The following CEP192 variants were observed in gnomAD, a reference collection of about 807,000 sequenced individuals.
The protein encoded by CEP192 is centrosomal protein 192, also known as centrosomal protein of 192 kDa.
Under a neutral mutation model 271.8 loss-of-function variants are expected in CEP192, and 151 were observed. The observed-to-expected ratio is 0.56, with a 90% confidence interval of 0.49 to 0.64. The LOEUF is 0.64. CEP192 is among the 30% of genes least tolerant of loss of function. The pLI is 0.00. For synonymous variants in CEP192, 995 were observed against 1,076.5 expected, an observed-to-expected ratio of 0.92 and a Z score of 1.48; for missense variants, 2,910 against 3,020.5, an observed-to-expected ratio of 0.96 and a Z score of 0.86.
In CEP192 at chr18:13,056,003, A is replaced by G; in HGVS notation, c.3413A>G (p.Lys1138Arg). 6.2e-7 allele frequency: 1 copy of G among 1,614,208 alleles called. No homozygotes were observed. The highest frequency in any genetic ancestry group is 1.1e-5 in the South Asian group (1 of 91,088). Residue 1138 changes from lysine to arginine, a missense_variant, in exon 19 of 45, where the codon AAA (lysine) becomes AGA (arginine). Lys to Arg is a conservative substitution (Grantham distance 26, BLOSUM62 2). Transcript: ENST00000506447. ...EYVKPDFRWSKDPSSKSGNLL... is the reference protein window; with the variant it reads ...EYVKPDFRWSRDPSSKSGNLL... ...GTAAAACCTGACTTTAGATGGAGTA[A>G]AGATCCTTCCTCCAAAAGTGGAAAT...
At chr18:13,005,689 A>G (rs1255111855) in intron 3 of CEP192, among the ~76,000 whole-genome samples, 1 of 152,202 alleles carries the variant, frequency 6.6e-6, no homozygotes, top group Non-Finnish European at 1.5e-5. Flanking sequence ...TGGTCTGAGT[A>G]TAGGGCTTCC....
chr18:13,086,994 T>C, intron 30 of CEP192, 23 bp from the exon 31 acceptor site: 2 of 1,533,550 alleles, frequency 1.3e-6, no homozygotes, highest in Non-Finnish European at 1.8e-6. Context: ...TAAAATAATT[T>C]TGGATATGTA....
rs765581263 is a variant in CEP192 at position 13,095,495 on chromosome 18, T to C, written c.6255-8T>C. 47 of 1,586,964 alleles carry C rather than the reference T, an allele frequency of 3.0e-5. No individual in the cohort carries two copies. Among genetic ancestry groups the C allele is most frequent in the Non-Finnish European group, 3.4e-5 (40 of 1,170,280 alleles). On this transcript the variant is annotated splice_region_variant and splice_polypyrimidine_tract_variant and intron_variant, in intron 34 of 44. Coordinates refer to ENST00000506447, the MANE Select transcript of CEP192 (RefSeq NM_032142.4). ...GTCTAACTTTTTCATTTTTAAATAA[T>C]TTTTTAGCGACTTGGGAGCTTCTGG... is the stretch of plus-strand genomic sequence containing the variant.
At chr18:13,038,619 A>T in intron 13 of CEP192, 40 bp downstream of exon 13, 1 of 1,432,572 alleles carries the variant, frequency 7.0e-7, no homozygotes, top group Non-Finnish European at 9.6e-7. Context: ...CAGTCACCAG[A>T]TTTTAGATTT....
At chr18:13,109,141 A>G (rs1369672035) in intron 40 of CEP192, among the ~76,000 whole-genome samples, 6 of 152,212 alleles carry the variant, frequency 3.9e-5, no homozygotes, top group Admixed American at 2.0e-4. Context: ...ACATGGATCA[A>G]TCCACCGTTG....
At chr18:13,069,652 A>G (rs1598504970) in intron 26 of CEP192, 86 bp from the exon 27 acceptor site, 1 of 750,508 alleles carries the variant, frequency 1.3e-6, no homozygotes, top group East Asian at 2.5e-5. Flanking sequence ...CTGGTAAATG[A>G]GAAACGCACG....
At position 13,073,186 on chromosome 18, in the gene CEP192, G is replaced by C. The variant is rs1449735832; in HGVS notation, c.5616+1G>C. On this transcript the variant is annotated splice_donor_variant, in intron 30 of 44. Transcript: ENST00000506447. LOFTEE classifies it high-confidence loss of function. ...ATCACAACCAGGCATTAAGTTCACA[G>C]TAAGATCATTTTATTGCCTTTCCCT... is the stretch of plus-strand genomic sequence containing the variant. 46 of 1,600,584 alleles carry C rather than the reference G, an allele frequency of 2.9e-5. No individual in the cohort carries two copies. Among genetic ancestry groups the C allele is most frequent in the Non-Finnish European group, 3.8e-5 (45 of 1,175,434 alleles).
chr18:13,098,851 C>T (rs375541566), intron 36 of CEP192, among the ~76,000 whole-genome samples: 12 of 152,242 alleles, frequency 7.9e-5, no homozygotes, highest in South Asian at 6.2e-4. Context: ...GAGGTTGTAG[C>T]GAGCCGAAAT....
intron 1 of CEP192, among the ~76,000 whole-genome samples, chr18:12,993,235 A>G (rs2032987941): frequency 6.6e-6 from 1 of 152,188 alleles, no homozygotes; most frequent in Non-Finnish European, 1.5e-5. Flanking sequence ...ATTTGGGTGA[A>G]GACTAAAGAT....
At chr18:13,065,118 A>G (rs2037623361) in intron 21 of CEP192, among the ~76,000 whole-genome samples, 1 of 151,132 alleles carries the variant, frequency 6.6e-6, no homozygotes, top group African/African-American at 2.4e-5. Context: ...TGACTTTTAT[A>G]TGTTAATTTT....
chr18:13,111,687 AAGAC>A (rs1373873697), intron 40 of CEP192, among the ~76,000 whole-genome samples: 2 of 152,350 alleles, frequency 1.3e-5, no homozygotes, highest in East Asian at 1.9e-4. Flanking sequence ...AAGACAATGA[AAGAC>A]AGAGAATAGG....
intron 11 of CEP192, 23 bp from the exon 12 acceptor site, chr18:13,037,210 GTATT>G: frequency 1.1e-6 from 1 of 947,754 alleles, no homozygotes; most frequent in Non-Finnish European, 1.7e-6. Flanking sequence ...TTAGTGTAAT[GTATT>G]TATATAAACA....
At chr18:13,011,720 A>G (rs1023244487) in intron 4 of CEP192, among the ~76,000 whole-genome samples, 1 of 152,100 alleles carries the variant, frequency 6.6e-6, no homozygotes, top group East Asian at 1.9e-4. Context: ...TACTAAATAT[A>G]CAAATATTGG....
chr18:13,069,365 T>G (rs779131941), intron 26 of CEP192, among the ~76,000 whole-genome samples, 184 bp downstream of exon 26: 11 of 152,214 alleles, frequency 7.2e-5, no homozygotes, highest in Non-Finnish European at 1.6e-4. Flanking sequence ...GTGGTGCTTT[T>G]TAAGTTTAAA....
chr18:13,019,052 C>T, intron 8 of CEP192, 30 bp from the exon 9 acceptor site: 1 of 1,507,508 alleles, frequency 6.6e-7, no homozygotes, highest in Non-Finnish European at 8.9e-7. Context: ...TTTGATGTGG[C>T]TCCTTTAACA....
chr18:13,061,168 T>C (rs1598480942), intron 21 of CEP192, among the ~76,000 whole-genome samples: 1 of 151,956 alleles, frequency 6.6e-6, no homozygotes, highest in East Asian at 1.9e-4. Context: ...AGTAAAAATA[T>C]AAAAATTAGC....
In CEP192 at chr18:13,055,859, T is replaced by G. The variant is rs751916602; in HGVS notation, c.3269T>G (p.Leu1090Trp). 44 of 1,613,426 alleles carry G rather than the reference T, an allele frequency of 2.7e-5. No homozygotes were observed. The highest frequency in any genetic ancestry group is 3.6e-5 in the Non-Finnish European group (43 of 1,179,858). ...AALEERAMEK[L>W]REKVPFQNRG... is the part of the protein sequence containing the mutation. ...TTGGAGGAACGGGCTATGGAAAAATTGAGAGAAAAAGTTCCATTTCAGAAT... is the reference window on the plus strand; with the variant it reads ...TTGGAGGAACGGGCTATGGAAAAATGGAGAGAAAAAGTTCCATTTCAGAAT... Residue 1090 changes from leucine to tryptophan, a missense_variant, in exon 19 of 45, where the codon TTG becomes TGG. Coordinates refer to ENST00000506447, the MANE Select transcript of CEP192 (RefSeq NM_032142.4).
chr18:13,096,989 C>T (rs149287225), intron 36 of CEP192, among the ~76,000 whole-genome samples: 74 of 152,308 alleles, frequency 4.9e-4, no homozygotes, highest in Non-Finnish European at 9.3e-4. Context: ...CTGGGATTAG[C>T]AACTTTGCAG....
In CEP192 at chr18:13,049,889, A is replaced by G; in HGVS notation, c.3015A>G (p.Ser1005=). ...SPSEISGTSS[S]GCALESFGSA... ...GTGAAATTTCTGGAACGAGTTCATC[A>G]GGGTAAGTGTGTACCTTCTTTTTTA... is the stretch of plus-strand genomic sequence containing the variant. The change falls in exon 17 of 45, where the codon TCA becomes TCG. Residue 1005 remains serine, a splice_region_variant and synonymous_variant. Coordinates refer to ENST00000506447, the MANE Select transcript of CEP192 (RefSeq NM_032142.4). 6.2e-7 allele frequency: 1 copy of G among 1,612,760 alleles called. No individual in the cohort carries two copies. Among genetic ancestry groups the G allele is most frequent in the Non-Finnish European group, 8.5e-7 (1 of 1,179,514 alleles).
Sources: allele counts gnomAD v4.1 joint callset (sites outside exome capture counted in the v4.1 genomes callset), GRCh38; gene constraint gnomAD v4.1.1; transcripts MANE v1.5; gene names NCBI Gene and HGNC (gene_info 2026-07-23, HGNC 2026-07-21).